The following UBR1 variants were observed in gnomAD, a reference collection of about 807,000 sequenced individuals.
UBR1 encodes the protein E3 ubiquitin-protein ligase UBR1.
UBR1 carries 102 observed loss-of-function variants against 242.1 expected under a neutral mutation model. The ratio of observed to expected loss-of-function variants is 0.42; its 90% CI spans 0.36 to 0.50. The LOEUF (loss-of-function observed/expected upper bound fraction) is 0.50. UBR1 is among the 20% of genes least tolerant of loss of function. UBR1 has a pLI of 0.01. For missense variants in UBR1, 1,772 were observed against 2,101.8 expected (o/e 0.84, Z 3.07); for synonymous variants, 675 against 684.8 (o/e 0.99, Z 0.22).
chr15:43,095,656 G>A (rs1311579384), intron 1 of UBR1, among the ~76,000 whole-genome samples: 2 of 152,132 alleles, frequency 1.3e-5, no homozygotes, highest in Admixed American at 6.5e-5. Flanking sequence ...ACATGTAGGC[G>A]GTCATAGTAA....
intron 39 of UBR1, among the ~76,000 whole-genome samples, chr15:42,973,003 C>T (rs2032231562): frequency 1.3e-5 from 2 of 152,192 alleles, no homozygotes; most frequent in African/African-American, 2.4e-5. Flanking sequence ...TACTTGCCAG[C>T]ATTTGGTGGT....
chr15:43,065,482 T>C (rs1292518194), intron 6 of UBR1, among the ~76,000 whole-genome samples: 1 of 152,154 alleles, frequency 6.6e-6, no homozygotes, highest in Non-Finnish European at 1.5e-5. Context: ...CCAGGATCCA[T>C]TAGCGATTCT....
rs576031768 is a variant in UBR1 at position 43,096,220 on chromosome 15, C to A, written c.81+9722G>T. The stretch of plus-strand genomic sequence containing the variant: ...ACAGAGTCTCACTCTATCCCTCAGA[C>A]TGGAGTGCAGTGGCACGATCTGGGC... On this transcript the variant is annotated intron_variant, in intron 1 of 46. Coordinates refer to ENST00000290650, the MANE Select transcript of UBR1 (RefSeq NM_174916.3). Among the ~76,000 whole-genome samples, 47 of 151,028 alleles carry A rather than the reference C, an allele frequency of 3.1e-4. No homozygotes were observed. The South Asian group carries it at 7.7e-3, about 25-fold the overall frequency.
At chr15:43,078,859 C>G (rs1282516297) in intron 3 of UBR1, among the ~76,000 whole-genome samples, 2 of 151,492 alleles carry the variant, frequency 1.3e-5, no homozygotes, top group East Asian at 3.9e-4. Flanking sequence ...GTAAGTAATA[C>G]ATAAACTAAA....
intron 9 of UBR1, 78 bp from the exon 10 acceptor site, chr15:43,058,507 G>A (rs2033644915): frequency 1.1e-6 from 1 of 902,508 alleles, no homozygotes; most frequent in Admixed American, 2.0e-5. Context: ...GGCTATTAGA[G>A]TGGCAGAATA....
chr15:42,948,561 C>T (rs1208609852), intron 46 of UBR1, among the ~76,000 whole-genome samples: 1 of 151,800 alleles, frequency 6.6e-6, no homozygotes, highest in Admixed American at 6.6e-5. Flanking sequence ...CCAGAATCCA[C>T]AATGAACTCA....
At chr15:42,946,664 C>T (rs756148716) in intron 46 of UBR1, among the ~76,000 whole-genome samples, 4 of 152,026 alleles carry the variant, frequency 2.6e-5, no homozygotes, top group Non-Finnish European at 4.4e-5. Flanking sequence ...TTCAGTGAAC[C>T]AAAAAGAGTT....
At chr15:42,958,751 G>T (rs2031965137) in intron 43 of UBR1, among the ~76,000 whole-genome samples, 1 of 152,080 alleles carries the variant, frequency 6.6e-6, no homozygotes, top group African/African-American at 2.4e-5. Flanking sequence ...TAAAAGCCTT[G>T]CTTGCATGTA....
intron 10 of UBR1, among the ~76,000 whole-genome samples, chr15:43,056,853 A>C (rs1018650980): frequency 2.6e-5 from 4 of 152,228 alleles, no homozygotes; most frequent in African/African-American, 4.8e-5. Flanking sequence ...TATGACCCAG[A>C]AAAACCAACC....
At chr15:42,950,099 A>G (rs2031805929) in intron 46 of UBR1, among the ~76,000 whole-genome samples, 163 bp downstream of exon 46, 1 of 152,130 alleles carries the variant, frequency 6.6e-6, no homozygotes, top group African/African-American at 2.4e-5. Flanking sequence ...TCGGCCTCCC[A>G]AAGTGCTAGG....
intron 19 of UBR1, among the ~76,000 whole-genome samples, chr15:43,035,409 T>C (rs905692122): frequency 6.6e-6 from 1 of 152,232 alleles, no homozygotes. Flanking sequence ...TTTTAAAATA[T>C]GGCTAAATAT....
chr15:43,030,715 AATT>A (rs1281522552), intron 20 of UBR1, among the ~76,000 whole-genome samples: 1 of 152,184 alleles, frequency 6.6e-6, no homozygotes, highest in Non-Finnish European at 1.5e-5. Context: ...AACAGCATCT[AATT>A]CCGATTGCCT....
intron 46 of UBR1, among the ~76,000 whole-genome samples, chr15:42,946,369 G>A (rs988399304): frequency 4.6e-5 from 7 of 152,054 alleles, no homozygotes; most frequent in Non-Finnish European, 7.4e-5. Context: ...CTCGTGATCC[G>A]CCCGCCTCGG....
At chr15:43,038,571 G>A (rs897525923) in intron 15 of UBR1, among the ~76,000 whole-genome samples, 7 of 152,162 alleles carry the variant, frequency 4.6e-5, no homozygotes, top group Non-Finnish European at 1.0e-4. Context: ...TTCAGCCTGG[G>A]TGACAGAGTG....
chr15:42,967,229 T>G (rs1469786415), intron 40 of UBR1, among the ~76,000 whole-genome samples: 1 of 148,958 alleles, frequency 6.7e-6, no homozygotes, highest in East Asian at 2.0e-4. Flanking sequence ...GTTTTTTTTT[T>G]TTTTTTTTTT....
In UBR1 at chr15:43,024,879, G is replaced by A. The variant is rs781583486; in HGVS notation, c.2689C>T (p.Arg897Trp). The A allele has an allele frequency of 1.5e-5, 25 of 1,613,980 alleles. No individual in the cohort carries two copies. The highest frequency in any genetic ancestry group is 3.3e-5 in the South Asian group (3 of 91,084). ...MMYILRTVFE[R>W]AIDTDSNLWT... ...AAGTTAGAATCTGTGTCTATTGCCC[G>A]CTCAAATACGGTCCTGAGAATGTAC... is the stretch of plus-strand genomic sequence containing the variant. The change falls in exon 25 of 47, where the codon CGG (arginine) becomes TGG (tryptophan). Residue 897 changes from arginine (R) to tryptophan (W), a missense_variant. Coordinates refer to ENST00000290650, the MANE Select transcript of UBR1 (RefSeq NM_174916.3).
At chr15:43,029,843 A>G in intron 21 of UBR1, 101 bp downstream of exon 21, 2 of 1,367,842 alleles carry the variant, frequency 1.5e-6, no homozygotes, top group South Asian at 1.2e-5. Flanking sequence ...GTAATGATAT[A>G]GGACTTTTTG....
chr15:42,977,916 TG>T lies in UBR1; in HGVS notation c.4181del (p.Thr1394AsnfsTer7). 1 of 1,613,406 alleles carries T rather than the reference TG, an allele frequency of 6.2e-7. No homozygotes were observed. Among genetic ancestry groups the T allele is most frequent in the South Asian group, 1.1e-5 (1 of 91,064 alleles). On this transcript the variant is annotated frameshift_variant, in exon 38 of 47. Coordinates refer to ENST00000290650, the MANE Select transcript of UBR1 (RefSeq NM_174916.3). LOFTEE classifies it high-confidence loss of function. ...ACAGATCTATAGACAGAAGGCATGG[TG>T]TATCTTCTGATTTTATGTTAGGAAG... ...VVLPNIKSED[T>X]PCLLSIDLFH...
intron 39 of UBR1, among the ~76,000 whole-genome samples, chr15:42,976,427 G>A (rs2032288552): frequency 6.6e-6 from 1 of 152,154 alleles, no homozygotes; most frequent in South Asian, 2.1e-4. Flanking sequence ...CTCATGTAGG[G>A]ACAGACCTCG....
Sources: gnomAD v4.1 joint callset for allele counts (sites outside exome capture counted in the v4.1 genomes callset) on GRCh38, gnomAD v4.1.1 for gene constraint, MANE v1.5 for transcripts, NCBI Gene and HGNC (gene_info 2026-07-23, HGNC 2026-07-21) for gene names.